Variants in HK1 observed in about 807,000 individuals in gnomAD.
The protein encoded by HK1 is hexokinase 1, also known as hexokinase-1.
Under a neutral mutation model 91.6 loss-of-function variants are expected in HK1, and 28 were observed. That is an observed-to-expected ratio of 0.31 (90% CI 0.23 to 0.42). The LOEUF (loss-of-function observed/expected upper bound fraction) is 0.42, where lower values mean the gene tolerates loss of function less well. HK1 is among the 10% of genes least tolerant of loss of function. The pLI is 1.00. For synonymous variants in HK1, 430 were observed against 468.1 expected (o/e 0.92, Z 1.05); for missense variants, 770 against 1,219.8 (o/e 0.63, Z 5.49).
At chr10:69,279,679 T>C (rs559591908) in intron 1 of HK1, among the ~76,000 whole-genome samples, 2 of 152,270 alleles carry the variant, frequency 1.3e-5, no homozygotes, top group South Asian at 4.2e-4. Context: ...AGTCCAAAAA[T>C]TTCTTCCTCA....
At chr10:69,317,916 A>T (rs544477973), upstream of HK1, 82 of 318,824 alleles carry the variant, frequency 2.6e-4, no homozygotes, top group African/African-American at 1.8e-3. Flanking sequence ...TAGCACCTCT[A>T]GGGAGTCCTC....
intron 1 of HK1, among the ~76,000 whole-genome samples, chr10:69,342,579 G>A (rs141425875): frequency 2.6e-5 from 4 of 152,336 alleles, no homozygotes; most frequent in Non-Finnish European, 4.4e-5. Flanking sequence ...CACCTGCAGA[G>A]GGTAGGTGCC....
chr10:69,275,555 G>A (rs1286015631), intron 1 of HK1, among the ~76,000 whole-genome samples: 6 of 152,062 alleles, frequency 3.9e-5, no homozygotes, highest in Non-Finnish European at 7.4e-5. Flanking sequence ...TAGGCTCTGT[G>A]GGCCATATGA....
chr10:69,295,495 T>C lies in HK1; in HGVS notation c.-114-138T>C, dbSNP rs1484073276. ...AGAGAATTGGTAATCATGATAGAAT[T>C]TGCTTAGACATTCCAAGGTTACTTG... On this transcript the variant is annotated intron_variant, in intron 3 of 21. Transcript: ENST00000360289. 3 of 693,900 alleles carry C rather than the reference T, an allele frequency of 4.3e-6. No individual in the cohort carries two copies. The African/African-American group carries it at 5.3e-5, about 12-fold the overall frequency. The allele number at this position is 693,900 out of a possible 1,614,324, so 43.0% of individuals were successfully genotyped here.
intron 1 of HK1, among the ~76,000 whole-genome samples, chr10:69,321,169 T>A (rs192371475): frequency 9.3e-4 from 142 of 151,936 alleles, no homozygotes; most frequent in African/African-American, 3.3e-3. Context: ...TGCCAGGGGG[T>A]CCACTCATTT....
intron 1 of HK1, among the ~76,000 whole-genome samples, chr10:69,340,322 C>T (rs1848225443): frequency 6.6e-6 from 1 of 152,212 alleles, no homozygotes; most frequent in Non-Finnish European, 1.5e-5. Flanking sequence ...TCTTGGCTGA[C>T]TGCAATCTTC....
At chr10:69,294,734 T>A (rs751984168) in intron 3 of HK1, among the ~76,000 whole-genome samples, 6 of 152,180 alleles carry the variant, frequency 3.9e-5, no homozygotes, top group Non-Finnish European at 7.4e-5. Context: ...TGGTGGCGGA[T>A]GCCTGTAATC....
In HK1 at chr10:69,395,042, A is replaced by G; in HGVS notation, c.2312A>G (p.Gln771Arg). 3 of 1,614,090 alleles carry G rather than the reference A, an allele frequency of 1.9e-6. No homozygotes were observed. Among genetic ancestry groups the G allele is most frequent in the Non-Finnish European group, 2.5e-6 (3 of 1,180,000 alleles). Reference sequence around the variant, plus strand: ...AAGAAGGGATTCCTCTTCCGAGGGCAGATCTCTGAGACGCTGAAGACCCGG... The same window carrying G: ...AAGAAGGGATTCCTCTTCCGAGGGCGGATCTCTGAGACGCTGAAGACCCGG... Reference protein sequence around the residue: ...FTKKGFLFRGQISETLKTRGI... With the variant: ...FTKKGFLFRGRISETLKTRGI... The change falls in exon 16 of 18, where the codon CAG becomes CGG. Residue 771 changes from glutamine to arginine, a missense_variant. This residue lies in a region of HK1 where 25 missense variants were observed against 74.1 expected (regional missense o/e 0.34). Coordinates refer to ENST00000359426, the MANE Select transcript of HK1 (RefSeq NM_000188.3).
rs113027275 is a variant in HK1, at chr10:69,333,209, T to G, written c.64-10618T>G. ...TGGCCGAGGCCTGAGGTCTTTCGAT[T>G]TCTAGCTCAGTCCAGTCCCACCACT... On this transcript the variant is annotated intron_variant, in intron 1 of 17. Transcript: ENST00000359426. 5.5e-4 allele frequency among the ~76,000 whole-genome samples: 84 copies of G among 152,348 alleles called. 1 individual carries two copies. Among genetic ancestry groups the G allele is most frequent in the African/African-American group, 1.9e-3 (81 of 41,584 alleles).
rs369897415 is a variant in HK1 at position 69,276,108 on chromosome 10, A to T, written c.-391+6000A>T. ...TCCTTTTCAAAAAAAAAAAAAAAAAAAAAAAAAAAAATACATATATATATA... is the reference window on the plus strand; with the variant it reads ...TCCTTTTCAAAAAAAAAAAAAAAAATAAAAAAAAAAATACATATATATATA... On this transcript the variant is annotated intron_variant, in intron 1 of 21. Transcript: ENST00000360289. Among the ~76,000 whole-genome samples, 450 of 48,860 alleles carry T rather than the reference A, an allele frequency of 9.2e-3. 14 individuals carry two copies. The highest frequency in any genetic ancestry group is 0.065 in the East Asian group (47 of 728). The allele number at this position is 48,860 out of a possible 152,430, so 32.1% of individuals were successfully genotyped here. A position where few individuals can be genotyped will look rare whatever the true frequency, so the allele number is the denominator to read the frequency against.
chr10:69,380,229 G>T lies in HK1; in HGVS notation c.1265+134G>T. On this transcript the variant is annotated intron_variant, in intron 9 of 17. Coordinates refer to ENST00000359426, the MANE Select transcript of HK1 (RefSeq NM_000188.3). The surrounding 1 kb of genome is among the most constrained non-coding windows in gnomAD (Gnocchi z 4.0). ...ATGGTGGTCGGGGGCTGTGGCTCAT[G>T]CCTGTAATCTTAGCACTTTGAGAGG... 1.3e-6 allele frequency: 1 copy of T among 756,280 alleles called. No homozygotes were observed. 46.8% of individuals were successfully genotyped at this position (756,280 alleles called of 1,614,324 possible). A position where few individuals can be genotyped will look rare whatever the true frequency, so the allele number is the denominator to read the frequency against.
chr10:69,318,811 C>T, upstream of HK1: 1 of 1,402,516 alleles, frequency 7.1e-7, no homozygotes. Flanking sequence ...TGTCGCCGCG[C>T]CCCGGGCCGA....
rs191720770 is a variant in HK1 at position 69,284,065 on chromosome 10, C to T, written c.-215+1361C>T. 5.1e-4 allele frequency among the ~76,000 whole-genome samples: 78 copies of T among 152,308 alleles called. No homozygotes were observed. The East Asian group carries it at 7.5e-3, about 15-fold the overall frequency. ...AGGCAAATGCTGTGCTGATATTCCTCACAGTTTGAGACTTGTAAAATGCCT... is the reference window on the plus strand; with the variant it reads ...AGGCAAATGCTGTGCTGATATTCCTTACAGTTTGAGACTTGTAAAATGCCT... On this transcript the variant is annotated intron_variant, in intron 2 of 21. Transcript: ENST00000360289.
chr10:69,392,773 C>T (rs929669868), intron 15 of HK1, among the ~76,000 whole-genome samples: 7 of 152,136 alleles, frequency 4.6e-5, no homozygotes, highest in African/African-American at 1.4e-4. Flanking sequence ...GCAGTGTCTG[C>T]CCTTTGTCTC....
At position 69,401,547 on chromosome 10, in the gene HK1, G is replaced by T. The variant is rs748893207; in HGVS notation, c.*412G>T. The T allele has an allele frequency of 8.6e-6, 3 of 350,378 alleles. No individual in the cohort carries two copies. Among genetic ancestry groups the T allele is most frequent in the Non-Finnish European group, 1.7e-5 (3 of 179,402 alleles). 21.7% of individuals were successfully genotyped at this position (350,378 alleles called of 1,614,324 possible). On this transcript the variant is annotated 3_prime_UTR_variant, in exon 18 of 18. Coordinates refer to ENST00000359426, the MANE Select transcript of HK1 (RefSeq NM_000188.3). ...CCCTGTGTGAAATGTATTATCACCA[G>T]CAGACACTGCCGGGCCTCCCTCCCG...
chr10:69,389,474 GGA>G, intron 14 of HK1, 178 bp downstream of exon 14: 2 of 625,506 alleles, frequency 3.2e-6, no homozygotes, highest in South Asian at 1.5e-5. Context: ...TCTGGCGGGG[GGA>G]GGTGGGGGGG....
At chr10:69,276,113 A>AT (rs1564746760) in intron 1 of HK1, among the ~76,000 whole-genome samples, 17 of 70,058 alleles carry the variant, frequency 2.4e-4, no homozygotes, top group South Asian at 1.1e-3. Flanking sequence ...AAAAAAAAAA[A>AT]AAAAAATACA....
At chr10:69,273,151 C>T (rs149006010) in intron 1 of HK1, among the ~76,000 whole-genome samples, 5,072 of 151,808 alleles carry the variant, frequency 0.033, 293 homozygotes, top group African/African-American at 0.12. Flanking sequence ...CTGCCTCAGC[C>T]TCCCAAGCAC....
chr10:69,392,246 T>C lies in HK1; in HGVS notation c.2157T>C (p.Asp719=), dbSNP rs1461493905. 3.7e-6 allele frequency: 6 copies of C among 1,614,064 alleles called. No homozygotes were observed. Among genetic ancestry groups the C allele is most frequent in the Non-Finnish European group, 5.1e-6 (6 of 1,180,038 alleles). ...CCTTTGGGGACAACGGGTGTCTGGA[T>C]GATATCAGGACACACTACGACAGAC... ...WGAFGDNGCL[D]DIRTHYDRLV... The change falls in exon 15 of 18, where the codon GAT becomes GAC. Residue 719 remains aspartate (D), a synonymous_variant. Transcript: ENST00000359426.
Sources: gnomAD v4.1 joint callset for allele counts (sites outside exome capture counted in the v4.1 genomes callset) on GRCh38, gnomAD v4.1.1 for gene constraint, gnomAD v4.1.1 regional missense constraint, Gnocchi (gnomAD v3.1) non-coding constraint, MANE v1.5 for transcripts, NCBI Gene and HGNC (gene_info 2026-07-23, HGNC 2026-07-21) for gene names.